The following CFAP74 variants were observed in gnomAD, a reference collection of about 807,000 sequenced individuals.
CFAP74 encodes cilia and flagella associated protein 74, also known as cilia- and flagella-associated protein 74.
A neutral mutation model predicts 188.9 loss-of-function variants in CFAP74; 124 were observed. The observed-to-expected ratio is 0.66, with a 90% CI of 0.57 to 0.76. The LOEUF (loss-of-function observed/expected upper bound fraction) is 0.76. Ranked by LOEUF, CFAP74 falls within the 30% of genes least tolerant of loss-of-function variation. The pLI, the probability that CFAP74 is intolerant of heterozygous loss-of-function variation, is 0.00. For missense variants in CFAP74, 2,198 were observed against 2,165.2 expected (o/e 1.02, Z -0.30); for synonymous variants, 956 against 916.7 (o/e 1.04, Z -0.77).
intron 18 of CFAP74, among the ~76,000 whole-genome samples, chr1:1,948,745 C>T (rs1335016260): frequency 2.0e-5 from 3 of 151,984 alleles, no homozygotes; most frequent in Non-Finnish European, 2.9e-5. Flanking sequence ...CATGTCACCA[C>T]GCCTGGCTAA....
intron 6 of CFAP74, among the ~76,000 whole-genome samples, chr1:1,982,106 G>A (rs1460686366): frequency 1.6e-5 from 2 of 124,372 alleles, no homozygotes; most frequent in African/African-American, 3.0e-5. Flanking sequence ...ACCCAGCCAC[G>A]GACAGACACG....
At chr1:1,998,563 G>A (rs918904472) in intron 1 of CFAP74, among the ~76,000 whole-genome samples, 1 of 152,124 alleles carries the variant, frequency 6.6e-6, no homozygotes, top group Non-Finnish European at 1.5e-5. Context: ...CATAATAAAA[G>A]TTTTTTCTAA....
chr1:1,999,885 G>C (rs1658111092), intron 1 of CFAP74, among the ~76,000 whole-genome samples: 1 of 151,866 alleles, frequency 6.6e-6, no homozygotes, highest in Non-Finnish European at 1.5e-5. Context: ...AAACCTACAG[G>C]CCGGGCGCGG....
Position 1,942,301 on chromosome 1 carries a change from C to T in CFAP74, c.2487-145G>A, listed in dbSNP as rs1326309452. On this transcript the variant is annotated intron_variant, in intron 21 of 38. Coordinates refer to ENST00000682832, the MANE Select transcript of CFAP74 (RefSeq NM_001304360.2). This position sits in a 1 kb window ranked among gnomAD's most constrained non-coding sequence, Gnocchi z 4.3. The stretch of plus-strand genomic sequence containing the variant: ...ACCCACTCCAAGCCATGCACGTGCA[C>T]CTCGACAATCGGAGTCCTCAAAGCC... 1.7e-5 allele frequency: 12 copies of T among 716,796 alleles called. No individual in the cohort carries two copies. The highest frequency in any genetic ancestry group is 3.2e-5 in the East Asian group (1 of 31,178). 44.4% of individuals were successfully genotyped at this position (716,796 alleles called of 1,614,324 possible).
chr1:1,932,774 A>G (rs375196264), intron 25 of CFAP74, among the ~76,000 whole-genome samples: 2 of 150,292 alleles, frequency 1.3e-5, no homozygotes, highest in East Asian at 4.0e-4. Flanking sequence ...TTGTATTTTT[A>G]GTAGCGATGG....
chr1:1,940,194 T>C, intron 23 of CFAP74, 122 bp downstream of exon 23: 1 of 780,388 alleles, frequency 1.3e-6, no homozygotes, highest in Non-Finnish European at 2.1e-6. Context: ...AGACGCCTCC[T>C]GGAAGGCAAG....
At chr1:1,939,023 GGGGA>G in intron 24 of CFAP74, 35 bp from the exon 25 acceptor site, 1 of 1,529,544 alleles carries the variant, frequency 6.5e-7, no homozygotes, top group Non-Finnish European at 8.8e-7. Flanking sequence ...GGCATGTCAC[GGGGA>G]GACCATGTGG....
At chr1:1,958,485 C>T (rs1570914098) in intron 16 of CFAP74, among the ~76,000 whole-genome samples, 1 of 152,336 alleles carries the variant, frequency 6.6e-6, no homozygotes, top group Non-Finnish European at 1.5e-5. Flanking sequence ...AGCCAGGAGC[C>T]GTTTGCTGTG....
chr1:1,969,557 C>T (rs1335785351), intron 10 of CFAP74, among the ~76,000 whole-genome samples: 2 of 152,124 alleles, frequency 1.3e-5, no homozygotes, highest in African/African-American at 4.8e-5. Context: ...GCCCTTATTT[C>T]TAGGCTGGCG....
chr1:1,980,447 G>A (rs1376825982), intron 6 of CFAP74, among the ~76,000 whole-genome samples: 2 of 145,362 alleles, frequency 1.4e-5, no homozygotes, highest in Admixed American at 6.7e-5. Flanking sequence ...GGGAGGACGG[G>A]TGAACGAGAG....
Position 1,968,914 on chromosome 1 carries a change from C to A in CFAP74, c.1047-81G>T. 1 of 1,355,940 alleles carries A rather than the reference C, an allele frequency of 7.4e-7. No individual in the cohort carries two copies. The highest frequency in any genetic ancestry group is 1.0e-6 in the Non-Finnish European group (1 of 972,278). The allele number at this position is 1,355,940 out of a possible 1,614,324, so 84.0% of individuals were successfully genotyped here. Reference sequence around the variant, plus strand: ...CCAGATGAGACAGTGCCCGGCGGCCCCTCCCTAGCGCCCTCCTGGGGGCTC... The same window carrying A: ...CCAGATGAGACAGTGCCCGGCGGCCACTCCCTAGCGCCCTCCTGGGGGCTC... On this transcript the variant is annotated intron_variant, in intron 10 of 38. Coordinates refer to ENST00000682832, the MANE Select transcript of CFAP74 (RefSeq NM_001304360.2). This position sits in a 1 kb window ranked among gnomAD's most constrained non-coding sequence, Gnocchi z 4.3.
chr1:2,001,368 C>T (rs1432952686), intron 1 of CFAP74, among the ~76,000 whole-genome samples: 5 of 149,254 alleles, frequency 3.3e-5, no homozygotes, highest in African/African-American at 5.0e-5. Context: ...CTCGCTCTGT[C>T]GCCCAGGCTG....
At chr1:1,957,722 G>A (rs909870477) in intron 16 of CFAP74, among the ~76,000 whole-genome samples, 84 of 152,100 alleles carry the variant, frequency 5.5e-4, no homozygotes, top group African/African-American at 1.9e-3. Context: ...GACTCCTGCC[G>A]GGCTCCCAGG....
intron 1 of CFAP74, among the ~76,000 whole-genome samples, chr1:1,991,860 A>G (rs551137139): frequency 1.2e-3 from 180 of 151,914 alleles, no homozygotes; most frequent in South Asian, 0.01. Context: ...TAGCACAGTG[A>G]AACCCCATCT....
In CFAP74 at chr1:1,927,018, A is replaced by G; in HGVS notation, c.3538T>C (p.Tyr1180His). ...KRELRPSSDE[Y>H]QAARATLLRA... is the part of the protein sequence containing the mutation. ...AGCAGGGTGGCTCGGGCGGCCTGGT[A>G]CTCGTCGGAACTAGAAGGAAGTCAG... is the stretch of plus-strand genomic sequence containing the variant. Residue 1180 changes from tyrosine to histidine, a missense_variant, in exon 29 of 39, where the codon TAC becomes CAC. Physicochemically the swap from Tyr to His is moderately conservative, Grantham distance 83 (BLOSUM62 2). Transcript: ENST00000682832. 1 of 1,550,098 alleles carries G rather than the reference A, an allele frequency of 6.5e-7. No individual in the cohort carries two copies. The highest frequency in any genetic ancestry group is 1.2e-5 in the South Asian group (1 of 84,068).
In CFAP74 at chr1:1,939,789, C is replaced by T. The variant is rs991772731; in HGVS notation, c.2704-22G>A. 10 of 1,526,754 alleles carry T rather than the reference C, an allele frequency of 6.5e-6. 1 individual carries two copies. The highest frequency in any genetic ancestry group is 3.6e-5 in the South Asian group (3 of 83,896). The allele number at this position is 1,526,754 out of a possible 1,614,324, so 94.6% of individuals were successfully genotyped here. A position where few individuals can be genotyped will look rare whatever the true frequency, so the allele number is the denominator to read the frequency against. Reference sequence around the variant, plus strand: ...TGTTCTGAGACATAAAGGGCACAGGCGCCCTCGCAGCCACTCGGAGACTTA... The same window carrying T: ...TGTTCTGAGACATAAAGGGCACAGGTGCCCTCGCAGCCACTCGGAGACTTA... On this transcript the variant is annotated intron_variant, in intron 23 of 38. Transcript: ENST00000682832.
chr1:1,995,436 G>T (rs369865805), intron 1 of CFAP74, among the ~76,000 whole-genome samples: 81 of 151,394 alleles, frequency 5.4e-4, no homozygotes, highest in African/African-American at 1.8e-3. Flanking sequence ...AGGTTGCAGT[G>T]AGCTGAGATC....
At chr1:1,985,294 C>T (rs1478668811) in intron 6 of CFAP74, 92 bp downstream of exon 6, 11 of 1,094,710 alleles carry the variant, frequency 1.0e-5, no homozygotes, top group Non-Finnish European at 1.4e-5. Flanking sequence ...AGGTGCAAAA[C>T]CCCCCAGATC....
chr1:1,947,753 C>T (rs769552871), intron 18 of CFAP74, among the ~76,000 whole-genome samples: 3 of 152,278 alleles, frequency 2.0e-5, no homozygotes, highest in Admixed American at 6.5e-5. Flanking sequence ...ACGGGCTTGC[C>T]AGAGCCTGCC....
Sources: gnomAD v4.1 joint callset for allele counts (sites outside exome capture counted in the v4.1 genomes callset) on GRCh38, gnomAD v4.1.1 for gene constraint, Gnocchi (gnomAD v3.1) non-coding constraint, MANE v1.5 for transcripts, NCBI Gene and HGNC (gene_info 2026-07-23, HGNC 2026-07-21) for gene names.